LARGE1: variants seen among roughly 807,000 people sequenced by gnomAD.
LARGE1 encodes xylosyl- and glucuronyltransferase LARGE1.
In LARGE1, 43 loss-of-function variants were observed where a neutral mutation model predicts 87.6. The observed-to-expected ratio is 0.49, with a 90% CI of 0.38 to 0.63. The LOEUF is 0.63. LARGE1 is among the 30% of genes least tolerant of loss of function. The pLI, the probability that LARGE1 is intolerant of heterozygous loss-of-function variation, is 0.00. For synonymous variants in LARGE1, 434 were observed against 394.6 expected, an observed-to-expected ratio of 1.10 and a Z score of -1.18; for missense variants, 802 against 1,000.2, an observed-to-expected ratio of 0.80 and a Z score of 2.67.
chr22:33,828,819 T>G (rs575932239), intron 1 of LARGE1, among the ~76,000 whole-genome samples: 3 of 152,230 alleles, frequency 2.0e-5, no homozygotes, highest in East Asian at 3.9e-4. Context: ...TGTGCATAAA[T>G]TTGGTGTATA....
chr22:33,346,414 C>CT (rs1370719375), intron 9 of LARGE1, among the ~76,000 whole-genome samples: 7 of 151,924 alleles, frequency 4.6e-5, no homozygotes, highest in Non-Finnish European at 1.0e-4. Flanking sequence ...GCGATTCTCC[C>CT]GCCTCAGCCT....
At chr22:33,176,138 T>A (rs917744525) in intron 11 of LARGE1, among the ~76,000 whole-genome samples, 5 of 152,136 alleles carry the variant, frequency 3.3e-5, no homozygotes, top group Non-Finnish European at 7.4e-5. Context: ...CCTTACACCT[T>A]ATACAAAAAC....
intron 5 of LARGE1, among the ~76,000 whole-genome samples, chr22:33,583,256 A>G (rs936660482): frequency 1.3e-5 from 2 of 152,210 alleles, no homozygotes; most frequent in Non-Finnish European, 2.9e-5. Flanking sequence ...GTCAGCTGTA[A>G]AAATGAATCT....
chr22:33,271,108 A>G (rs560580466), downstream of LARGE1, among the ~76,000 whole-genome samples: 1 of 152,226 alleles, frequency 6.6e-6, no homozygotes, highest in African/African-American at 2.4e-5. Context: ...AAGATTTGGC[A>G]TATTTTAGGA....
chr22:33,718,658 T>G (rs2082984141), intron 2 of LARGE1, among the ~76,000 whole-genome samples: 1 of 152,246 alleles, frequency 6.6e-6, no homozygotes, highest in South Asian at 2.1e-4. Context: ...CTCCAATCAA[T>G]GCACGTTCAT....
exon 12 of LARGE1, chr22:33,166,658 G>A (rs1002764504): frequency 2.5e-5 from 11 of 443,532 alleles, no homozygotes; most frequent in East Asian, 7.1e-5. Context: ...CACCTGGCAC[G>A]TACCACTTTG....
At chr22:33,880,388 A>G (rs1427499298) in intron 1 of LARGE1, among the ~76,000 whole-genome samples, 1 of 152,254 alleles carries the variant, frequency 6.6e-6, no homozygotes, top group Admixed American at 6.5e-5. Flanking sequence ...ACTATCCTGC[A>G]AGACTGCCAT....
At chr22:33,631,430 T>C (rs572857008) in intron 3 of LARGE1, among the ~76,000 whole-genome samples, 52 of 152,342 alleles carry the variant, frequency 3.4e-4, no homozygotes, top group African/African-American at 1.2e-3. Flanking sequence ...CTATACGCAT[T>C]TTTCTGTTTT....
chr22:33,153,558 T>C, the LARGE1 span, among the ~76,000 whole-genome samples: 1 of 152,326 alleles, frequency 6.6e-6, no homozygotes, highest in East Asian at 1.9e-4. Context: ...ATTTCCCGTC[T>C]TCATGGAATA....
chr22:33,392,469 G>A (rs1326820410), intron 7 of LARGE1, among the ~76,000 whole-genome samples: 3 of 152,200 alleles, frequency 2.0e-5, no homozygotes, highest in East Asian at 1.9e-4. Flanking sequence ...GACCAGCCTG[G>A]TCAATACGGC....
intron 5 of LARGE1, among the ~76,000 whole-genome samples, chr22:33,600,582 G>GAATTCATTA (rs1358526237): frequency 6.6e-6 from 1 of 152,152 alleles, no homozygotes; most frequent in East Asian, 1.9e-4. Flanking sequence ...CATTAGCAAT[G>GAATTCATTA]GGGGAAAGGA....
At chr22:33,639,328 CA>C (rs1338697239) in intron 3 of LARGE1, among the ~76,000 whole-genome samples, 1 of 152,160 alleles carries the variant, frequency 6.6e-6, no homozygotes, top group Non-Finnish European at 1.5e-5. Context: ...TGAGGGACCC[CA>C]TACCAGAACC....
chr22:33,914,297 A>G (rs982690336), intron 1 of LARGE1, among the ~76,000 whole-genome samples: 1 of 152,160 alleles, frequency 6.6e-6, no homozygotes, highest in Non-Finnish European at 1.5e-5. Flanking sequence ...TCTTCAAAAG[A>G]CCTTTGATAT....
chr22:33,906,457 T>A (rs2065459809), intron 1 of LARGE1, among the ~76,000 whole-genome samples: 1 of 152,248 alleles, frequency 6.6e-6, no homozygotes, highest in East Asian at 1.9e-4. Flanking sequence ...CTCTGGGCTT[T>A]ATTGCTTGAG....
At chr22:33,388,964 A>G (rs1011469037) in intron 7 of LARGE1, among the ~76,000 whole-genome samples, 2 of 152,234 alleles carry the variant, frequency 1.3e-5, no homozygotes, top group Admixed American at 6.5e-5. Context: ...AAACACACAT[A>G]AGACACGTAC....
the LARGE1 span, among the ~76,000 whole-genome samples, chr22:33,131,033 C>CAAAAAAAAAAAAAAAAA: frequency 1.4e-5 from 1 of 70,940 alleles, no homozygotes; most frequent in African/African-American, 5.7e-5. Context: ...GACTCCGTCT[C>CAAAAAAAAAAAAAAAAA]AAAAAAAAAA....
chr22:33,783,203 T>G (rs982182054), intron 1 of LARGE1, among the ~76,000 whole-genome samples: 23 of 151,846 alleles, frequency 1.5e-4, no homozygotes, highest in Non-Finnish European at 2.4e-4. Context: ...ATCAGAGTGA[T>G]GAGAGTCTCT....
At chr22:33,196,443 T>C (rs1239678700) in intron 11 of LARGE1, among the ~76,000 whole-genome samples, 5 of 152,026 alleles carry the variant, frequency 3.3e-5, no homozygotes, top group Non-Finnish European at 7.4e-5. Flanking sequence ...GCTAAAACAA[T>C]GCAAGATGAA....
At chr22:33,533,147 A>G (rs796353748) in intron 6 of LARGE1, among the ~76,000 whole-genome samples, 57 of 152,372 alleles carry the variant, frequency 3.7e-4, no homozygotes, top group African/African-American at 1.2e-3. Context: ...ACAAAGGGCC[A>G]GCCACTAACA....
Sources: allele counts gnomAD v4.1 joint callset (sites outside exome capture counted in the v4.1 genomes callset), GRCh38; gene constraint gnomAD v4.1.1; transcripts MANE v1.5; gene names NCBI Gene and HGNC (gene_info 2026-07-23, HGNC 2026-07-21).